FAXC: variants seen among roughly 807,000 people sequenced by gnomAD.
The protein encoded by FAXC is failed axon connections homolog, metaxin like GST domain containing.
Under a neutral mutation model 41.9 loss-of-function variants are expected in FAXC, and 10 were observed. The observed-to-expected ratio is 0.24, with a 90% confidence interval of 0.15 to 0.41. The LOEUF (loss-of-function observed/expected upper bound fraction) is 0.41, where lower values mean the gene tolerates loss of function less well. Among genes scored for constraint, FAXC ranks in the 10% least tolerant of loss-of-function variants. The pLI, the probability that FAXC is intolerant of heterozygous loss-of-function variation, is 1.00. For missense variants in FAXC, 399 were observed against 510.9 expected, an observed-to-expected ratio of 0.78 and a Z score of 2.11; for synonymous variants, 183 against 183.8, an observed-to-expected ratio of 1.00 and a Z score of 0.03.
At chr6:99,307,611 G>A (rs1036840808) in intron 4 of FAXC, among the ~76,000 whole-genome samples, 1 of 152,168 alleles carries the variant, frequency 6.6e-6, no homozygotes, top group Admixed American at 6.5e-5. Flanking sequence ...AAGCAGGAGT[G>A]CACTTGCAGG....
At position 99,281,073 on chromosome 6, in the gene FAXC, C is replaced by G; in HGVS notation, c.*91G>C. Reference sequence around the variant, plus strand: ...TGAAAACTCTGCCAAGCACGAAGATCTCCTCCCAGCTCGGATGGATTGCTA... The same window carrying G: ...TGAAAACTCTGCCAAGCACGAAGATGTCCTCCCAGCTCGGATGGATTGCTA... On this transcript the variant is annotated 3_prime_UTR_variant, in exon 6 of 6. Transcript: ENST00000389677. 1.4e-6 allele frequency: 1 copy of G among 719,632 alleles called. No homozygotes were observed. The highest frequency in any genetic ancestry group is 2.6e-6 in the Non-Finnish European group (1 of 391,972). The allele number at this position is 719,632 out of a possible 1,614,324, so 44.6% of individuals were successfully genotyped here.
intron 4 of FAXC, among the ~76,000 whole-genome samples, chr6:99,308,413 G>A (rs768365353): frequency 1.8e-4 from 27 of 152,146 alleles, no homozygotes; most frequent in African/African-American, 5.6e-4. Flanking sequence ...GTAAGACCAC[G>A]TGGCATTGAA....
At chr6:99,292,820 T>C (rs1771296604) in intron 4 of FAXC, among the ~76,000 whole-genome samples, 1 of 152,158 alleles carries the variant, frequency 6.6e-6, no homozygotes, top group South Asian at 2.1e-4. Flanking sequence ...TCCTAAGACT[T>C]TTTTTTGAGA....
intron 4 of FAXC, among the ~76,000 whole-genome samples, chr6:99,313,113 C>A (rs1772209950): frequency 6.6e-6 from 1 of 152,034 alleles, no homozygotes; most frequent in Non-Finnish European, 1.5e-5. Context: ...GGCAACATGG[C>A]AAAACCTCAT....
intron 2 of FAXC, among the ~76,000 whole-genome samples, chr6:99,338,438 C>T (rs529732095): frequency 3.3e-5 from 5 of 152,232 alleles, no homozygotes; most frequent in South Asian, 2.1e-4. Context: ...CAGGGCTTGA[C>T]GGCTTGAAGG....
intron 2 of FAXC, among the ~76,000 whole-genome samples, chr6:99,342,173 T>C (rs914869535): frequency 2.0e-5 from 3 of 152,150 alleles, no homozygotes; most frequent in African/African-American, 7.2e-5. Context: ...TCTCACCACA[T>C]ACACAAATAT....
chr6:99,317,845 C>T (rs903952384), intron 4 of FAXC, among the ~76,000 whole-genome samples: 4 of 152,118 alleles, frequency 2.6e-5, no homozygotes, highest in African/African-American at 4.8e-5. Context: ...TCTATGTAGG[C>T]CTGATAACAG....
rs1472962877 is a variant in FAXC at position 99,342,819 on chromosome 6, G to GA, written c.402+78dup. On this transcript the variant is annotated intron_variant, in intron 2 of 5. Transcript: ENST00000389677. ...CCCTCTGGCATCCACTGTGTGAGAC[G>GA]AAATATTCCCCCCTTTAGTTAAATA... 2.1e-6 allele frequency: 3 copies of GA among 1,412,082 alleles called. No homozygotes were observed. In the African/African-American group the frequency reaches 4.3e-5, roughly 20 times the overall value. 87.5% of individuals were successfully genotyped at this position (1,412,082 alleles called of 1,614,324 possible).
intron 4 of FAXC, among the ~76,000 whole-genome samples, chr6:99,307,586 G>A (rs1323923672): frequency 1.3e-5 from 2 of 152,174 alleles, no homozygotes; most frequent in Admixed American, 6.5e-5. Context: ...GATCAAGGGT[G>A]GGGTGTTGCG....
chr6:99,349,459 G>T lies in FAXC; in HGVS notation c.-87C>A. 1 of 1,004,236 alleles carries T rather than the reference G, an allele frequency of 1.0e-6. No individual in the cohort carries two copies. Among genetic ancestry groups the T allele is most frequent in the Non-Finnish European group, 1.2e-6 (1 of 838,178 alleles). The allele number at this position is 1,004,236 out of a possible 1,614,324, so 62.2% of individuals were successfully genotyped here. On this transcript the variant is annotated 5_prime_UTR_variant, in exon 1 of 6. Coordinates refer to ENST00000389677, the MANE Select transcript of FAXC (RefSeq NM_032511.4). ...GGCGCGGCCCGGCGCGGGCTCAGAGGCGCGCGGAGGGCGCGGGCGGCGCGG... is the reference window on the plus strand; with the variant it reads ...GGCGCGGCCCGGCGCGGGCTCAGAGTCGCGCGGAGGGCGCGGGCGGCGCGG...
rs1773726467 is a variant in FAXC, at chr6:99,349,544, G to A, written c.-172C>T. 1.6e-5 allele frequency: 5 copies of A among 305,526 alleles called. No homozygotes were observed. Among genetic ancestry groups the A allele is most frequent in the Non-Finnish European group, 2.4e-5 (5 of 208,096 alleles). 18.9% of individuals were successfully genotyped at this position (305,526 alleles called of 1,614,324 possible). ...AGGCGGCGGCAGAGGAGGAGGAGGAGGAAGGGCACTGGCCGCGGACGGCGG... is the reference window on the plus strand; with the variant it reads ...AGGCGGCGGCAGAGGAGGAGGAGGAAGAAGGGCACTGGCCGCGGACGGCGG... On this transcript the variant is annotated 5_prime_UTR_variant, in exon 1 of 6. Coordinates refer to ENST00000389677, the MANE Select transcript of FAXC (RefSeq NM_032511.4).
chr6:99,306,868 T>G (rs1301627073), intron 4 of FAXC, among the ~76,000 whole-genome samples: 1 of 152,168 alleles, frequency 6.6e-6, no homozygotes. Context: ...ACGGAGTAAG[T>G]GCCTGCATGT....
chr6:99,304,717 T>C (rs780462161), intron 4 of FAXC, among the ~76,000 whole-genome samples: 20 of 152,202 alleles, frequency 1.3e-4, no homozygotes, highest in Admixed American at 7.9e-4. Flanking sequence ...GGCCTTCTGT[T>C]AGAGACCAGG....
intron 4 of FAXC, among the ~76,000 whole-genome samples, chr6:99,305,755 T>C (rs1771896015): frequency 6.6e-6 from 1 of 150,690 alleles, no homozygotes; most frequent in African/African-American, 2.4e-5. Flanking sequence ...AGGTATATTA[T>C]ACATAAGGGT....
At chr6:99,302,477 G>A (rs1021032427) in intron 4 of FAXC, among the ~76,000 whole-genome samples, 18 of 152,240 alleles carry the variant, frequency 1.2e-4, no homozygotes, top group East Asian at 1.9e-4. Context: ...CCAACATGGT[G>A]AAACCCTGTC....
chr6:99,309,204 G>A (rs1250698842), intron 4 of FAXC, among the ~76,000 whole-genome samples: 2 of 151,870 alleles, frequency 1.3e-5, no homozygotes, highest in Non-Finnish European at 2.9e-5. Context: ...ATGCTATCTT[G>A]TAAGGGTTTT....
chr6:99,328,528 T>C (rs183249605), intron 3 of FAXC, among the ~76,000 whole-genome samples: 9 of 152,266 alleles, frequency 5.9e-5, no homozygotes, highest in African/African-American at 9.6e-5. Context: ...CAGTCAAAAG[T>C]ATTCTGTTAT....
At chr6:99,309,958 A>T (rs923951821) in intron 4 of FAXC, 1 of 963,580 alleles carries the variant, frequency 1.0e-6, no homozygotes, top group East Asian at 1.1e-4. Flanking sequence ...CTGGAACAGA[A>T]GAAAAGCACT....
rs1770812633 is a variant in FAXC at position 99,281,089 on chromosome 6, T to C, written c.*75A>G. On this transcript the variant is annotated 3_prime_UTR_variant, in exon 6 of 6. Coordinates refer to ENST00000389677, the MANE Select transcript of FAXC (RefSeq NM_032511.4). ...CACGAAGATCTCCTCCCAGCTCGGA[T>C]GGATTGCTACCTGGGAAAATGGACC... 5.3e-6 allele frequency: 4 copies of C among 754,148 alleles called. No individual in the cohort carries two copies. The highest frequency in any genetic ancestry group is 9.7e-6 in the Non-Finnish European group (4 of 413,096). 46.7% of individuals were successfully genotyped at this position (754,148 alleles called of 1,614,324 possible). A position where few individuals can be genotyped will look rare whatever the true frequency, so the allele number is the denominator to read the frequency against.
Sources: gnomAD v4.1 joint callset for allele counts (sites outside exome capture counted in the v4.1 genomes callset) on GRCh38, gnomAD v4.1.1 for gene constraint, MANE v1.5 for transcripts, NCBI Gene and HGNC (gene_info 2026-07-23, HGNC 2026-07-21) for gene names.